The following LRRC4C variants were observed in gnomAD, a reference collection of about 807,000 sequenced individuals.
The protein encoded by LRRC4C is leucine-rich repeat-containing protein 4C.
A neutral mutation model predicts 33.6 loss-of-function variants in LRRC4C; 5 were observed. The observed-to-expected ratio is 0.15, with a 90% CI of 0.08 to 0.31. LRRC4C has a LOEUF of 0.31. Ranked by LOEUF, LRRC4C falls within the 10% of genes least tolerant of loss-of-function variation. The pLI, the probability that LRRC4C is intolerant of heterozygous loss-of-function variation, is 1.00. For synonymous variants in LRRC4C, 329 were observed against 302.0 expected, an observed-to-expected ratio of 1.09 and a Z score of -0.93; for missense variants, 560 against 796.7, an observed-to-expected ratio of 0.70 and a Z score of 3.58.
intron 1 of LRRC4C, among the ~76,000 whole-genome samples, chr11:40,987,665 A>AAT (rs1565274622): frequency 2.8e-4 from 5 of 18,058 alleles, no homozygotes; most frequent in Non-Finnish European, 5.8e-4. Context: ...CATATATATG[A>AAT]GATATAAATG....
At chr11:41,271,069 T>A (rs1949304191) in intron 1 of LRRC4C, among the ~76,000 whole-genome samples, 1 of 152,078 alleles carries the variant, frequency 6.6e-6, no homozygotes, top group Admixed American at 6.6e-5. Flanking sequence ...GCAGAAATAG[T>A]CTTTCCAAAT....
At chr11:40,476,345 T>C (rs1035548231) in intron 3 of LRRC4C, among the ~76,000 whole-genome samples, 234 of 136,458 alleles carry the variant, frequency 1.7e-3, no homozygotes, top group African/African-American at 5.9e-3. Context: ...TTTTCTTCTT[T>C]TTTTTTTTTT....
At chr11:40,833,508 G>A (rs1361461852) in intron 2 of LRRC4C, among the ~76,000 whole-genome samples, 1 of 151,756 alleles carries the variant, frequency 6.6e-6, no homozygotes, top group African/African-American at 2.4e-5. Context: ...TTTGATCTCT[G>A]GAGTTCATTA....
At chr11:41,305,066 G>T (rs78397830) in intron 1 of LRRC4C, among the ~76,000 whole-genome samples, 43 of 3,644 alleles carry the variant, frequency 0.012, 3 homozygotes, top group Admixed American at 0.031. Context: ...TCAGCCCCCC[G>T]GCCCGGCCAG....
At chr11:41,241,357 G>A (rs1948243138) in intron 1 of LRRC4C, among the ~76,000 whole-genome samples, 1 of 152,096 alleles carries the variant, frequency 6.6e-6, no homozygotes, top group Admixed American at 6.6e-5. Flanking sequence ...AACAAGGACT[G>A]TTCTTCTTAA....
At chr11:40,518,348 T>A (rs140277354) in intron 3 of LRRC4C, among the ~76,000 whole-genome samples, 14,187 of 152,192 alleles carry the variant, frequency 0.093, 796 homozygotes, top group Middle Eastern at 0.15. Flanking sequence ...AGAACATTTT[T>A]GCAATCTATC....
intron 2 of LRRC4C, among the ~76,000 whole-genome samples, chr11:40,648,939 C>A (rs951152935): frequency 6.6e-6 from 1 of 152,078 alleles, no homozygotes; most frequent in Non-Finnish European, 1.5e-5. Context: ...AGTCACAAAA[C>A]CAGCAGGTTT....
chr11:40,990,432 C>G (rs1389484657), intron 1 of LRRC4C, among the ~76,000 whole-genome samples: 1 of 151,708 alleles, frequency 6.6e-6, no homozygotes, highest in Non-Finnish European at 1.5e-5. Context: ...AAGTGTGCAA[C>G]TTGCCCAAGT....
intron 1 of LRRC4C, among the ~76,000 whole-genome samples, chr11:40,980,804 T>C (rs950096981): frequency 2.0e-5 from 3 of 152,196 alleles, no homozygotes; most frequent in Admixed American, 2.0e-4. Flanking sequence ...TATTTTGATA[T>C]ATTCAAAAGA....
At chr11:40,760,823 A>G (rs1028558065) in intron 2 of LRRC4C, among the ~76,000 whole-genome samples, 3 of 146,814 alleles carry the variant, frequency 2.0e-5, no homozygotes, top group Non-Finnish European at 3.0e-5. Flanking sequence ...ACACACACAC[A>G]TATATTTATA....
At chr11:40,496,316 G>A (rs1185119650) in intron 3 of LRRC4C, among the ~76,000 whole-genome samples, 1 of 152,062 alleles carries the variant, frequency 6.6e-6, no homozygotes, top group African/African-American at 2.4e-5. Flanking sequence ...AGCTTTGTGA[G>A]GTGTAACTAA....
chr11:40,351,315 C>G (rs909991699), intron 3 of LRRC4C, among the ~76,000 whole-genome samples: 31 of 151,646 alleles, frequency 2.0e-4, no homozygotes, highest in African/African-American at 7.5e-4. Flanking sequence ...GTTTTGTGGC[C>G]AAACATGTGT....
chr11:41,236,080 T>TA (rs1223732604), intron 1 of LRRC4C, among the ~76,000 whole-genome samples: 3 of 151,850 alleles, frequency 2.0e-5, no homozygotes, highest in Non-Finnish European at 4.4e-5. Context: ...GGGAAGCACT[T>TA]AAAAAAAATG....
chr11:41,002,029 C>T (rs1305605687), intron 1 of LRRC4C, among the ~76,000 whole-genome samples: 2 of 152,020 alleles, frequency 1.3e-5, no homozygotes, highest in Admixed American at 1.3e-4. Flanking sequence ...TTAGTTTTTC[C>T]ATAATCAGAA....
intron 5 of LRRC4C, among the ~76,000 whole-genome samples, chr11:40,230,808 C>T (rs1865145105): frequency 6.6e-6 from 1 of 152,096 alleles, no homozygotes; most frequent in South Asian, 2.1e-4. Flanking sequence ...GAAAGAAATG[C>T]TCCTCTATTT....
At chr11:40,304,846 T>C (rs1047467346) in intron 4 of LRRC4C, among the ~76,000 whole-genome samples, 2 of 152,018 alleles carry the variant, frequency 1.3e-5, no homozygotes, top group African/African-American at 4.8e-5. Flanking sequence ...ATTCTCCTGC[T>C]TTCACTCCAG....
intron 3 of LRRC4C, among the ~76,000 whole-genome samples, chr11:40,537,429 G>T (rs1393475792): frequency 6.6e-6 from 1 of 152,264 alleles, no homozygotes. Flanking sequence ...TGGCTCCCAA[G>T]GCCACAATTG....
At chr11:41,071,077 A>G (rs1187602635) in intron 1 of LRRC4C, among the ~76,000 whole-genome samples, 2 of 152,232 alleles carry the variant, frequency 1.3e-5, no homozygotes, top group Non-Finnish European at 2.9e-5. Flanking sequence ...ATCCATAAAA[A>G]GGAATGAGAT....
Position 40,962,674 on chromosome 11 carries a change from A to G in LRRC4C, c.-495-28951T>C, listed in dbSNP as rs184960307. 3.3e-5 allele frequency among the ~76,000 whole-genome samples: 5 copies of G among 151,866 alleles called. No individual in the cohort carries two copies. The East Asian group carries it at 9.7e-4, about 29-fold the overall frequency. The stretch of plus-strand genomic sequence containing the variant: ...AAGAAATTTATCCTGCTGAAAACAT[A>G]TATACAAATATGTAGAATATTATTC... On this transcript the variant is annotated intron_variant, in intron 1 of 6. Coordinates refer to ENST00000528697, the MANE Select transcript of LRRC4C (RefSeq NM_001258419.2).
Sources: allele counts gnomAD v4.1 joint callset (sites outside exome capture counted in the v4.1 genomes callset), GRCh38; gene constraint gnomAD v4.1.1; transcripts MANE v1.5; gene names NCBI Gene and HGNC (gene_info 2026-07-23, HGNC 2026-07-21).